Variants in USO1 observed in about 807,000 individuals in gnomAD.
USO1 encodes the protein general vesicular transport factor p115.
Under a neutral mutation model 124.5 loss-of-function variants are expected in USO1, and 57 were observed. The ratio of observed to expected loss-of-function variants is 0.46; its 90% confidence interval spans 0.37 to 0.57. The LOEUF (loss-of-function observed/expected upper bound fraction) is 0.57, where lower values mean the gene tolerates loss of function less well. USO1 is among the 20% of genes least tolerant of loss of function. USO1 has a pLI of 0.00. For missense variants in USO1, 900 were observed against 1,040.6 expected (o/e 0.86, Z 1.86); for synonymous variants, 369 against 362.8 (o/e 1.02, Z -0.19).
intron 13 of USO1, among the ~76,000 whole-genome samples, chr4:75,794,552 GCT>G (rs1190726959): frequency 6.6e-6 from 1 of 152,230 alleles, no homozygotes; most frequent in Admixed American, 6.5e-5. Context: ...TACCAGCCTT[GCT>G]ATTGAACAGT....
chr4:75,810,743 T>G (rs1164549811), intron 22 of USO1, among the ~76,000 whole-genome samples: 1 of 152,118 alleles, frequency 6.6e-6, no homozygotes, highest in African/African-American at 2.4e-5. Context: ...TTTTGTTTTG[T>G]TTTTTTGAGA....
chr4:75,726,623 G>A (rs577567462), intron 1 of USO1, among the ~76,000 whole-genome samples: 1 of 151,664 alleles, frequency 6.6e-6, no homozygotes, highest in East Asian at 1.9e-4. Context: ...AGCATAAGAT[G>A]AAAGCCGGTA....
chr4:75,769,473 C>T (rs1343618364), intron 4 of USO1, among the ~76,000 whole-genome samples: 1 of 152,064 alleles, frequency 6.6e-6, no homozygotes. Flanking sequence ...CTGTCATCTG[C>T]TGGGTTTTTT....
chr4:75,752,186 T>A (rs1346325066), intron 1 of USO1, among the ~76,000 whole-genome samples, 187 bp from the exon 2 acceptor site: 1 of 152,172 alleles, frequency 6.6e-6, no homozygotes, highest in Non-Finnish European at 1.5e-5. Context: ...TTTAAGTCTC[T>A]GCAAAACTAT....
At chr4:75,800,013 G>A (rs1234341689) in intron 14 of USO1, among the ~76,000 whole-genome samples, 1 of 150,504 alleles carries the variant, frequency 6.6e-6, no homozygotes, top group Non-Finnish European at 1.5e-5. Flanking sequence ...GCGCGATCTC[G>A]GCTCACTGCA....
intron 11 of USO1, among the ~76,000 whole-genome samples, 160 bp downstream of exon 11, chr4:75,790,398 G>A (rs1427734440): frequency 2.6e-5 from 4 of 152,184 alleles, no homozygotes; most frequent in Non-Finnish European, 5.9e-5. Context: ...TTTTAAAAGA[G>A]TTGGTAGTCT....
At chr4:75,800,122 A>G (rs756855542) in intron 14 of USO1, among the ~76,000 whole-genome samples, 3 of 151,678 alleles carry the variant, frequency 2.0e-5, no homozygotes, top group Non-Finnish European at 4.4e-5. Context: ...CTAATTTTGT[A>G]TTTTTAGTAG....
At chr4:75,778,964 CCATT>C (rs1435463818) in intron 8 of USO1, among the ~76,000 whole-genome samples, 3 of 152,240 alleles carry the variant, frequency 2.0e-5, no homozygotes, top group Admixed American at 1.3e-4. Context: ...TCTGTTGACT[CCATT>C]TATCCAACAG....
chr4:75,757,666 A>C (rs1162470569), intron 4 of USO1, 93 bp downstream of exon 4: 59 of 1,190,588 alleles, frequency 5.0e-5, no homozygotes, highest in Non-Finnish European at 1.8e-5. Flanking sequence ...CTTGTTTTAT[A>C]AATGTATAAG....
chr4:75,744,025 C>T (rs1285724800), intron 1 of USO1, among the ~76,000 whole-genome samples: 1 of 152,160 alleles, frequency 6.6e-6, no homozygotes, highest in Non-Finnish European at 1.5e-5. Flanking sequence ...ATCCGCCCGC[C>T]ATGGCCTCCC....
chr4:75,743,071 A>C (rs1053451131), intron 1 of USO1, among the ~76,000 whole-genome samples: 32 of 143,734 alleles, frequency 2.2e-4, no homozygotes, highest in African/African-American at 7.9e-4. Flanking sequence ...TGCAGGCTCC[A>C]CCTCCCGGGT....
chr4:75,763,635 A>G (rs1030340040), intron 4 of USO1, among the ~76,000 whole-genome samples: 1 of 152,050 alleles, frequency 6.6e-6, no homozygotes, highest in African/African-American at 2.4e-5. Flanking sequence ...TATTTTTACT[A>G]TGGTAACAAA....
intron 4 of USO1, among the ~76,000 whole-genome samples, chr4:75,759,264 T>TTTTTTTTTTC (rs1553898967): frequency 2.7e-5 from 4 of 145,486 alleles, no homozygotes; most frequent in Admixed American, 6.8e-5. Flanking sequence ...TTTTTTTTTT[T>TTTTTTTTTTC]CTGAAAATTT....
intron 1 of USO1, among the ~76,000 whole-genome samples, chr4:75,734,718 C>CTTTTT (rs55928639): frequency 0.032 from 1,507 of 47,426 alleles, 509 homozygotes; most frequent in Non-Finnish European, 0.041. Context: ...GGCAGTATGG[C>CTTTTT]TTTTTTTTTT....
Position 75,774,786 on chromosome 4 carries a change from C to G in USO1, c.666C>G (p.Asn222Lys). The G allele has an allele frequency of 2.5e-6, 4 of 1,613,398 alleles. No individual in the cohort carries two copies. The highest frequency in any genetic ancestry group is 3.4e-6 in the Non-Finnish European group (4 of 1,179,616). ...TGGACATTATTTCAGAGGAGGGGAA[C>G]AGTGATGGAGGTATAGTATGAAGAA... is the stretch of plus-strand genomic sequence containing the variant. ...RLLDIISEEG[N>K]SDGGIVVEDC... Residue 222 changes from asparagine to lysine, a missense_variant, in exon 8 of 24, where the codon AAC becomes AAG. Physicochemically the swap from Asn to Lys is moderately conservative, Grantham distance 94 (BLOSUM62 0). This residue lies in a region of USO1 where 538 missense variants were observed against 681.6 expected (regional missense o/e 0.79). Transcript: ENST00000514213.
intron 19 of USO1, among the ~76,000 whole-genome samples, chr4:75,805,623 CTT>C (rs1229282743): frequency 6.6e-6 from 1 of 151,630 alleles, no homozygotes; most frequent in Non-Finnish European, 1.5e-5. Flanking sequence ...AGGAGAATCT[CTT>C]AAACCCAGGA....
chr4:75,813,224 C>A lies in USO1; in HGVS notation c.2818C>A (p.Leu940Ile). Residue 940 changes from leucine to isoleucine, a missense_variant, in exon 24 of 24, where the codon CTT becomes ATT. Physicochemically the swap from Leu to Ile is conservative, Grantham distance 5. Coordinates refer to ENST00000514213, the MANE Select transcript of USO1 (RefSeq NM_003715.4). ...CCTCTAGGTTGAAGAAGAGGATGAA[C>A]TTGAATCTGGAGACCAAGAGGATGA... ...LGHPVEEEDE[L>I]ESGDQEDEDD... is the part of the protein sequence containing the mutation. 1 of 1,610,076 alleles carries A rather than the reference C, an allele frequency of 6.2e-7. No homozygotes were observed. Among genetic ancestry groups the A allele is most frequent in the East Asian group, 2.2e-5 (1 of 44,700 alleles).
At chr4:75,752,155 C>T (rs1043923398) in intron 1 of USO1, among the ~76,000 whole-genome samples, 19 of 152,242 alleles carry the variant, frequency 1.2e-4, no homozygotes, top group Non-Finnish European at 2.5e-4. Context: ...ATTTTGACTT[C>T]TCTTTCAGCC....
chr4:75,771,748 TTTA>T (rs1178547151), intron 7 of USO1, among the ~76,000 whole-genome samples: 10 of 152,256 alleles, frequency 6.6e-5, no homozygotes, highest in South Asian at 6.2e-4. Flanking sequence ...TCCATTCCGA[TTTA>T]TTTTATATTT....
Sources: gnomAD v4.1 joint callset for allele counts (sites outside exome capture counted in the v4.1 genomes callset) on GRCh38, gnomAD v4.1.1 for gene constraint, gnomAD v4.1.1 regional missense constraint, MANE v1.5 for transcripts, NCBI Gene and HGNC (gene_info 2026-07-23, HGNC 2026-07-21) for gene names.